The following DOT1L variants were observed in gnomAD, a reference collection of about 807,000 sequenced individuals.
DOT1L encodes the protein histone-lysine N-methyltransferase, H3 lysine-79 specific.
DOT1L carries 33 observed loss-of-function variants against 153.3 expected under a neutral mutation model. That is an observed-to-expected ratio of 0.22 (90% confidence interval 0.16 to 0.29). The LOEUF is 0.29. Among genes scored for constraint, DOT1L ranks in the 10% least tolerant of loss-of-function variants. DOT1L has a pLI of 1.00. For missense variants in DOT1L, 1,847 were observed against 2,119.9 expected (o/e 0.87, Z 2.53); for synonymous variants, 1,135 against 965.1 (o/e 1.18, Z -3.26).
chr19:2,188,480 G>GC (rs375314788), intron 3 of DOT1L, among the ~76,000 whole-genome samples: 2,261 of 66,832 alleles, frequency 0.034, 453 homozygotes, highest in South Asian at 0.047. Flanking sequence ...CCCAGCCGCC[G>GC]CCCCCCCCCC....
Position 2,173,146 on chromosome 19 carries a change from C to T in DOT1L, c.82-7567C>T, listed in dbSNP as rs957615713. Among the ~76,000 whole-genome samples, 5 of 152,270 alleles carry T rather than the reference C, an allele frequency of 3.3e-5. No individual in the cohort carries two copies. In the East Asian group the frequency reaches 7.7e-4, roughly 24 times the overall value. On this transcript the variant is annotated intron_variant, in intron 1 of 27. Coordinates refer to ENST00000398665, the MANE Select transcript of DOT1L (RefSeq NM_032482.3). Reference sequence around the variant, plus strand: ...GCTGGTCTCCCCTAGCGTCCTGGAGCGTTTTTCCCTGCATGGAGGCCCACG... The same window carrying T: ...GCTGGTCTCCCCTAGCGTCCTGGAGTGTTTTTCCCTGCATGGAGGCCCACG...
intron 18 of DOT1L, 172 bp from the exon 19 acceptor site, chr19:2,214,299 C>A: frequency 8.4e-7 from 1 of 1,185,108 alleles, no homozygotes; most frequent in Non-Finnish European, 1.1e-6. Flanking sequence ...CCGTGGGGGG[C>A]CCCAGTCTCC....
In DOT1L at chr19:2,165,086, C is replaced by T. The variant is rs188371232; in HGVS notation, c.81+821C>T. Among the ~76,000 whole-genome samples, 295 of 152,336 alleles carry T rather than the reference C, an allele frequency of 1.9e-3. 3 individuals are homozygous for T. Among genetic ancestry groups the T allele is most frequent in the Admixed American group, 0.018 (282 of 15,306 alleles). Reference sequence around the variant, plus strand: ...AAACCCGCGTGCGGCTCCCGGGGTGCGAGTCCCGGCGTGGCCCCTGAGGAG... The same window carrying T: ...AAACCCGCGTGCGGCTCCCGGGGTGTGAGTCCCGGCGTGGCCCCTGAGGAG... On this transcript the variant is annotated intron_variant, in intron 1 of 27. Transcript: ENST00000398665.
rs774565296 is a variant in DOT1L, at chr19:2,227,028, G to A, written c.4507G>A (p.Ala1503Thr). The A allele has an allele frequency of 6.3e-7, 1 of 1,582,532 alleles. No homozygotes were observed. The highest frequency in any genetic ancestry group is 8.5e-7 in the Non-Finnish European group (1 of 1,170,912). ...VLQSLFSSVP[A>T]AAGLVHVSSA... Reference sequence around the variant, plus strand: ...GCAGTCGCTGTTCAGCTCTGTGCCGGCCGCCGCAGGCCTGGTGCACGTGTC... The same window carrying A: ...GCAGTCGCTGTTCAGCTCTGTGCCGACCGCCGCAGGCCTGGTGCACGTGTC... Residue 1503 changes from alanine (A) to threonine (T), a missense_variant, in exon 27 of 28, where the codon GCC becomes ACC. Coordinates refer to ENST00000398665, the MANE Select transcript of DOT1L (RefSeq NM_032482.3).
chr19:2,229,762 C>G (rs377589588), intron 27 of DOT1L, 23 bp from the exon 28 acceptor site: 58 of 1,613,062 alleles, frequency 3.6e-5, no homozygotes, highest in Non-Finnish European at 4.8e-5. Flanking sequence ...TCAGGCCGCT[C>G]TTCCCGCTGT....
Position 2,230,124 on chromosome 19 carries a change from G to C in DOT1L, c.*332G>C. 1 of 520,290 alleles carries C rather than the reference G, an allele frequency of 1.9e-6. No individual in the cohort carries two copies. Among genetic ancestry groups the C allele is most frequent in the Non-Finnish European group, 3.3e-6 (1 of 298,572 alleles). 32.2% of individuals were successfully genotyped at this position (520,290 alleles called of 1,614,324 possible). ...CTATATAAAGACACGTGTCTGCAGG[G>C]CGGGCCCGCCAGCGGATTCGCCACA... is the stretch of plus-strand genomic sequence containing the variant. On this transcript the variant is annotated 3_prime_UTR_variant, in exon 28 of 28. Transcript: ENST00000398665.
At chr19:2,200,634 C>A (rs538144032) in intron 8 of DOT1L, among the ~76,000 whole-genome samples, 2 of 152,278 alleles carry the variant, frequency 1.3e-5, no homozygotes, top group East Asian at 1.9e-4. Context: ...CCTGCTCCCC[C>A]AGTCCCGCCA....
Position 2,230,375 on chromosome 19 carries a change from T to A in DOT1L, c.*583T>A. On this transcript the variant is annotated 3_prime_UTR_variant, in exon 28 of 28. Coordinates refer to ENST00000398665, the MANE Select transcript of DOT1L (RefSeq NM_032482.3). Reference sequence around the variant, plus strand: ...CGCCCTGGCGCCTGCCCTGAGCTCTTCACCTTTACCCCGGCACTGTGAACC... The same window carrying A: ...CGCCCTGGCGCCTGCCCTGAGCTCTACACCTTTACCCCGGCACTGTGAACC... 1 of 407,436 alleles carries A rather than the reference T, an allele frequency of 2.5e-6. No homozygotes were observed. Among genetic ancestry groups the A allele is most frequent in the Non-Finnish European group, 4.3e-6 (1 of 231,916 alleles). The allele number at this position is 407,436 out of a possible 1,614,324, so 25.2% of individuals were successfully genotyped here.
chr19:2,213,308 G>A (rs1462617269), intron 16 of DOT1L: 5 of 484,914 alleles, frequency 1.0e-5, no homozygotes, highest in Non-Finnish European at 1.9e-5. Flanking sequence ...GGGGTGGCAG[G>A]TGCAGTCCCT....
intron 5 of DOT1L, among the ~76,000 whole-genome samples, chr19:2,192,393 C>T (rs569225984): frequency 1.4e-3 from 216 of 152,262 alleles, no homozygotes; most frequent in African/African-American, 5.0e-3. Flanking sequence ...ATCGTCTGGA[C>T]GTGGTGGCTC....
chr19:2,164,672 C>T (rs1416455585), intron 1 of DOT1L, among the ~76,000 whole-genome samples: 5 of 151,096 alleles, frequency 3.3e-5, no homozygotes, highest in Admixed American at 6.6e-5. Context: ...TTCCTGTCTC[C>T]TCTTCTCTTC....
Position 2,167,925 on chromosome 19 carries a change from G to A in DOT1L, c.81+3660G>A, listed in dbSNP as rs547714889. ...TTATTTTGTATTTTTAGTAGAGACAGGGTTTCACCATATTGGCCAGGCTGG... is the reference window on the plus strand; with the variant it reads ...TTATTTTGTATTTTTAGTAGAGACAAGGTTTCACCATATTGGCCAGGCTGG... On this transcript the variant is annotated intron_variant, in intron 1 of 27. Transcript: ENST00000398665. Among the ~76,000 whole-genome samples, 23 of 152,150 alleles carry A rather than the reference G, an allele frequency of 1.5e-4. No homozygotes were observed. In the South Asian group the frequency reaches 4.6e-3, roughly 30 times the overall value.
intron 1 of DOT1L, among the ~76,000 whole-genome samples, chr19:2,174,028 A>T (rs146619901): frequency 6.6e-6 from 1 of 152,338 alleles, no homozygotes; most frequent in East Asian, 1.9e-4. Flanking sequence ...TGGCGTGATC[A>T]TAACAGTGCA....
In DOT1L at chr19:2,226,675, G is replaced by T. The variant is rs377222686; in HGVS notation, c.4154G>T (p.Arg1385Leu). The T allele has an allele frequency of 1.3e-6, 2 of 1,577,178 alleles. No homozygotes were observed. The highest frequency in any genetic ancestry group is 2.3e-5 in the East Asian group (1 of 43,616). Residue 1385 changes from arginine to leucine, a missense_variant, in exon 27 of 28, where the codon CGC becomes CTC. Transcript: ENST00000398665. ...GCTGGGCTGAAGGGCGAGGGCAGCC[G>T]CGGCAAGGAGGCAGGGGAGGGCGGC... ...GLAGLKGEGS[R>L]GKEAGEGGLP...
At chr19:2,182,030 C>T (rs1175862214) in intron 2 of DOT1L, among the ~76,000 whole-genome samples, 1 of 152,018 alleles carries the variant, frequency 6.6e-6, no homozygotes, top group African/African-American at 2.4e-5. Flanking sequence ...CGAGACTGGC[C>T]TGGGCACCTT....
intron 7 of DOT1L, among the ~76,000 whole-genome samples, chr19:2,195,507 A>G (rs997574214): frequency 2.0e-5 from 3 of 151,974 alleles, no homozygotes; most frequent in African/African-American, 7.3e-5. Context: ...TGCTCCCGTG[A>G]TGTGGATTGG....
At position 2,220,313 on chromosome 19, in the gene DOT1L, C is replaced by T. The variant is rs760231545; in HGVS notation, c.2806+91C>T. 3.9e-6 allele frequency: 5 copies of T among 1,282,306 alleles called. No homozygotes were observed. The African/African-American group carries it at 5.9e-5, about 15-fold the overall frequency. 79.4% of individuals were successfully genotyped at this position (1,282,306 alleles called of 1,614,324 possible). ...CTGGGTTGCTGGGAGTGGAACAGGG[C>T]TTCCTGGGGTGATCATGGGGGCTGC... On this transcript the variant is annotated intron_variant, in intron 23 of 27. Coordinates refer to ENST00000398665, the MANE Select transcript of DOT1L (RefSeq NM_032482.3). The surrounding 1 kb of genome is among the most constrained non-coding windows in gnomAD (Gnocchi z 4.5).
rs112052747 is a variant in DOT1L, at chr19:2,226,389, G to T, written c.3868G>T (p.Ala1290Ser). 1.3e-6 allele frequency: 2 copies of T among 1,592,902 alleles called. No homozygotes were observed. Among genetic ancestry groups the T allele is most frequent in the South Asian group, 1.1e-5 (1 of 89,386 alleles). Residue 1290 changes from alanine to serine, a missense_variant, in exon 27 of 28, where the codon GCT becomes TCT. By Grantham distance (99) the Ala-to-Ser change is moderately conservative. Transcript: ENST00000398665. ...GCCCTCTGCCGATGCCAAGCTGGCCGCTCACCCCAGGAAAGGCTTTCCCGG... is the reference window on the plus strand; with the variant it reads ...GCCCTCTGCCGATGCCAAGCTGGCCTCTCACCCCAGGAAAGGCTTTCCCGG... Reference protein sequence around the residue: ...EEPSADAKLAAHPRKGFPGSL... With the variant: ...EEPSADAKLASHPRKGFPGSL...
At chr19:2,224,420 TC>T (rs765717801) in intron 25 of DOT1L, among the ~76,000 whole-genome samples, 1 of 151,598 alleles carries the variant, frequency 6.6e-6, no homozygotes, top group Non-Finnish European at 1.5e-5. Context: ...ATTCTAGCCA[TC>T]CGAGTCGTCG....
Sources: allele counts gnomAD v4.1 joint callset (sites outside exome capture counted in the v4.1 genomes callset), GRCh38; gene constraint gnomAD v4.1.1; non-coding constraint Gnocchi (gnomAD v3.1); transcripts MANE v1.5; gene names NCBI Gene and HGNC (gene_info 2026-07-23, HGNC 2026-07-21).